Variants in LDB2 observed in about 807,000 individuals in gnomAD.
LDB2 encodes the protein LIM domain binding 2.
A neutral mutation model predicts 44.3 loss-of-function variants in LDB2; 12 were observed. That is an observed-to-expected ratio of 0.27 (90% CI 0.17 to 0.44). LDB2 has a LOEUF of 0.44. Ranked by LOEUF, LDB2 falls within the 20% of genes least tolerant of loss-of-function variation. The pLI, the probability that LDB2 is intolerant of heterozygous loss-of-function variation, is 1.00. For synonymous variants in LDB2, 164 were observed against 174.8 expected (o/e 0.94, Z 0.49); for missense variants, 344 against 473.5 (o/e 0.73, Z 2.54).
chr4:16,836,284 A>T (rs2110079954), intron 1 of LDB2, among the ~76,000 whole-genome samples: 1 of 152,316 alleles, frequency 6.6e-6, no homozygotes, highest in African/African-American at 2.4e-5. Flanking sequence ...TGGGACTAAA[A>T]TCTAGAACTT....
At position 16,565,759 on chromosome 4, in the gene LDB2, T is replaced by A. The variant is rs146598687; in HGVS notation, c.615+20163A>T. ...CATCCAAGAGGGTAAACTAAAAAAA[T>A]TATAAATATTAAGAATAGTTTAAAG... On this transcript the variant is annotated intron_variant, in intron 5 of 7. Coordinates refer to ENST00000304523, the MANE Select transcript of LDB2 (RefSeq NM_001290.5). Among the ~76,000 whole-genome samples, 1,283 of 152,018 alleles carry A rather than the reference T, an allele frequency of 8.4e-3. 15 individuals carry two copies. Among genetic ancestry groups the A allele is most frequent in the African/African-American group, 0.03 (1,232 of 41,546 alleles).
chr4:16,824,935 C>T (rs139589152), intron 1 of LDB2, among the ~76,000 whole-genome samples: 6 of 152,340 alleles, frequency 3.9e-5, no homozygotes, highest in Non-Finnish European at 7.3e-5. Context: ...AAGCATTACA[C>T]TGTGATGTCA....
intron 1 of LDB2, among the ~76,000 whole-genome samples, chr4:16,829,954 A>G (rs544207820): frequency 6.6e-6 from 1 of 152,060 alleles, no homozygotes; most frequent in Admixed American, 6.5e-5. Context: ...AAAATGCAAA[A>G]ATTAGCTGGG....
chr4:16,714,908 C>A (rs1221788644), intron 2 of LDB2, among the ~76,000 whole-genome samples: 2 of 152,120 alleles, frequency 1.3e-5, no homozygotes, highest in African/African-American at 4.8e-5. Context: ...GGATTTAGGA[C>A]CGCCTTAAAT....
In LDB2 at chr4:16,752,652, T is replaced by G. The variant is rs142521595; in HGVS notation, c.235+6506A>C. Among the ~76,000 whole-genome samples, 837 of 152,322 alleles carry G rather than the reference T, an allele frequency of 5.5e-3. 6 individuals are homozygous for G. The highest frequency in any genetic ancestry group is 0.019 in the African/African-American group (799 of 41,566). The stretch of plus-strand genomic sequence containing the variant: ...TAAATATTTATTTACTCTGTGCTTT[T>G]CAAGAGTGGCACTAAGCTAAAGTTA... On this transcript the variant is annotated intron_variant, in intron 2 of 7. Coordinates refer to ENST00000304523, the MANE Select transcript of LDB2 (RefSeq NM_001290.5).
chr4:16,750,497 TG>T (rs1765289263), intron 2 of LDB2, among the ~76,000 whole-genome samples: 1 of 152,220 alleles, frequency 6.6e-6, no homozygotes. Flanking sequence ...TTTCTTTAAC[TG>T]GGGCTCATGA....
chr4:16,622,360 C>G (rs2152482664), intron 2 of LDB2, among the ~76,000 whole-genome samples: 1 of 152,254 alleles, frequency 6.6e-6, no homozygotes, highest in East Asian at 1.9e-4. Flanking sequence ...ATAAATGAAC[C>G]AGATACTTGC....
chr4:16,588,017 C>A (rs1386087705), intron 4 of LDB2, among the ~76,000 whole-genome samples: 1 of 152,098 alleles, frequency 6.6e-6, no homozygotes, highest in African/African-American at 2.4e-5. Flanking sequence ...CAAAGATTTT[C>A]ATGGAAGCAT....
chr4:16,540,765 G>A (rs1733479751), intron 5 of LDB2, among the ~76,000 whole-genome samples: 1 of 152,036 alleles, frequency 6.6e-6, no homozygotes, highest in Non-Finnish European at 1.5e-5. Context: ...ATACTTTGAG[G>A]ACCCCAAGTC....
At chr4:16,736,356 T>C (rs528360599) in intron 2 of LDB2, among the ~76,000 whole-genome samples, 2 of 152,322 alleles carry the variant, frequency 1.3e-5, no homozygotes, top group South Asian at 4.1e-4. Context: ...TGAGTTTCTG[T>C]CCCCAAAAAG....
intron 1 of LDB2, among the ~76,000 whole-genome samples, chr4:16,880,376 A>G (rs780183168): frequency 5.9e-5 from 9 of 152,146 alleles, no homozygotes; most frequent in South Asian, 2.1e-4. Context: ...GCTAAGCCCC[A>G]TGGAGCTAAT....
At chr4:16,741,851 T>G (rs139564468) in intron 2 of LDB2, among the ~76,000 whole-genome samples, 95 of 152,288 alleles carry the variant, frequency 6.2e-4, no homozygotes, top group Non-Finnish European at 1.1e-3. Context: ...AAACTCCTTA[T>G]TCTGCAAGAA....
At chr4:16,568,910 A>G (rs2152394959) in intron 5 of LDB2, among the ~76,000 whole-genome samples, 1 of 152,322 alleles carries the variant, frequency 6.6e-6, no homozygotes. Context: ...AGTCAGAGGA[A>G]TTTCGCAGGC....
Position 16,585,947 on chromosome 4 carries a change from G to T in LDB2, c.590C>A (p.Thr197Lys). ...LSKNITRMGLTNFTLNYLRLC... is the reference protein window; with the variant it reads ...LSKNITRMGLKNFTLNYLRLC... Reference sequence around the variant, plus strand: ...CCTGAGGTAGTTGAGGGTGAAGTTTGTTAGCCCCATCCTGGTGATGTTTTT... The same window carrying T: ...CCTGAGGTAGTTGAGGGTGAAGTTTTTTAGCCCCATCCTGGTGATGTTTTT... The change falls in exon 5 of 8, where the codon ACA becomes AAA. Residue 197 changes from threonine (T) to lysine (K), a missense_variant. Transcript: ENST00000304523. The T allele has an allele frequency of 6.2e-7, 1 of 1,613,726 alleles. No homozygotes were observed. The highest frequency in any genetic ancestry group is 8.5e-7 in the Non-Finnish European group (1 of 1,179,708).
chr4:16,847,849 C>G (rs1787390835), intron 1 of LDB2, among the ~76,000 whole-genome samples: 1 of 152,202 alleles, frequency 6.6e-6, no homozygotes, highest in African/African-American at 2.4e-5. Flanking sequence ...ATTTCCTGAC[C>G]TCGTGATCCA....
At chr4:16,638,619 A>T (rs534595835) in intron 2 of LDB2, among the ~76,000 whole-genome samples, 1 of 152,266 alleles carries the variant, frequency 6.6e-6, no homozygotes, top group South Asian at 2.1e-4. Flanking sequence ...TTGCTTCTGT[A>T]TTTTACAACC....
chr4:16,694,996 T>C (rs1201234118), intron 2 of LDB2, among the ~76,000 whole-genome samples: 2 of 152,218 alleles, frequency 1.3e-5, no homozygotes, highest in Admixed American at 1.3e-4. Flanking sequence ...TACCTTTCCT[T>C]CTTATCTGTC....
intron 2 of LDB2, among the ~76,000 whole-genome samples, chr4:16,629,320 C>G (rs1429086513): frequency 6.6e-6 from 1 of 152,200 alleles, no homozygotes; most frequent in Non-Finnish European, 1.5e-5. Flanking sequence ...AGACTGCCTC[C>G]TCAAGTGGGT....
At position 16,670,269 on chromosome 4, in the gene LDB2, G is replaced by A. The variant is rs1005125527; in HGVS notation, c.236-74394C>T. ...TGGTACAAGCCAATCTAAGTAGGTC[G>A]CTTAGATATTTGGTACCTACCTTTG... On this transcript the variant is annotated intron_variant, in intron 2 of 7. Coordinates refer to ENST00000304523, the MANE Select transcript of LDB2 (RefSeq NM_001290.5). Among the ~76,000 whole-genome samples the A allele has an allele frequency of 3.3e-5, 5 of 152,136 alleles. No homozygotes were observed. In the South Asian group the frequency reaches 6.2e-4, roughly 19 times the overall value.
Sources: gnomAD v4.1 joint callset for allele counts (sites outside exome capture counted in the v4.1 genomes callset) on GRCh38, gnomAD v4.1.1 for gene constraint, MANE v1.5 for transcripts, NCBI Gene and HGNC (gene_info 2026-07-23, HGNC 2026-07-21) for gene names.